The following SAMMSON variants were observed in gnomAD, a reference collection of about 807,000 sequenced individuals.
SAMMSON encodes survival associated mitochondrial melanoma specific oncogenic non-coding RNA, also known as long intergenic non-protein coding RNA 1212.
At chr3:70,386,676 A>G (rs1012511880) in intron 9 of SAMMSON, among the ~76,000 whole-genome samples, 6 of 151,964 alleles carry the variant, frequency 3.9e-5, no homozygotes, top group African/African-American at 1.4e-4. Context: ...AGCAATGGTT[A>G]TTAATTGAGT....
At chr3:70,025,951 G>A (rs905681292) in intron 3 of SAMMSON, among the ~76,000 whole-genome samples, 1 of 152,082 alleles carries the variant, frequency 6.6e-6, no homozygotes, top group African/African-American at 2.4e-5. Flanking sequence ...AGGAGGAGGA[G>A]GAAGAGGAGG....
chr3:70,182,091 G>C (rs1400067239), intron 4 of SAMMSON, among the ~76,000 whole-genome samples: 1 of 152,090 alleles, frequency 6.6e-6, no homozygotes, highest in Admixed American at 6.5e-5. Flanking sequence ...AGATGGGCTG[G>C]AGGTCCTCAT....
At chr3:70,360,823 GA>G (rs1702865562) in intron 9 of SAMMSON, among the ~76,000 whole-genome samples, 1 of 152,070 alleles carries the variant, frequency 6.6e-6, no homozygotes, top group African/African-American at 2.4e-5. Flanking sequence ...TTATATTTCA[GA>G]GTGAGAATAT....
At chr3:70,354,103 C>G (rs1246667318) in intron 7 of SAMMSON, 1 of 152,216 alleles carries the variant, frequency 6.6e-6, no homozygotes. Flanking sequence ...TGGTGGCTTG[C>G]TATGATGATT....
intron 7 of SAMMSON, among the ~76,000 whole-genome samples, chr3:70,320,011 G>A (rs17007071): frequency 0.11 from 16,719 of 151,910 alleles, 1,052 homozygotes; most frequent in South Asian, 0.16. Context: ...CATGGTGTCC[G>A]AGTACCAGTG....
intron 4 of SAMMSON, among the ~76,000 whole-genome samples, chr3:70,170,579 C>CTTTTTTTTTTTTTTT (rs538385626): frequency 2.2e-4 from 23 of 105,496 alleles, no homozygotes; most frequent in Non-Finnish European, 2.6e-4. Context: ...CTAGATTTTC[C>CTTTTTTTTTTTTTTT]TTTTTTTTTT....
At chr3:70,124,922 A>G in intron 4 of SAMMSON, 2 of 501,110 alleles carry the variant, frequency 4.0e-6, no homozygotes, top group African/African-American at 3.9e-5. Flanking sequence ...CAATACACTG[A>G]TTTAAAGGCA....
intron 3 of SAMMSON, among the ~76,000 whole-genome samples, chr3:70,055,218 G>A (rs2067162574): frequency 6.6e-6 from 1 of 152,054 alleles, no homozygotes; most frequent in South Asian, 2.1e-4. Flanking sequence ...AATTATCAAA[G>A]CTGGATGATG....
intron 7 of SAMMSON, among the ~76,000 whole-genome samples, chr3:70,352,329 G>C (rs1025903430): frequency 1.3e-5 from 2 of 152,000 alleles, no homozygotes; most frequent in Non-Finnish European, 2.9e-5. Flanking sequence ...TCTCATCAGA[G>C]AGACCATGGA....
intron 2 of SAMMSON, among the ~76,000 whole-genome samples, chr3:70,408,863 T>C (rs954376132): frequency 2.6e-5 from 4 of 152,162 alleles, no homozygotes; most frequent in African/African-American, 9.7e-5. Context: ...AAGACATACC[T>C]GAGACTAGGA....
At chr3:70,298,770 AAGT>A (rs750034310) in intron 7 of SAMMSON, among the ~76,000 whole-genome samples, 20 of 152,120 alleles carry the variant, frequency 1.3e-4, no homozygotes, top group Non-Finnish European at 2.6e-4. Flanking sequence ...AGCCATCTTC[AAGT>A]AGATTTCAAA....
chr3:70,433,024 C>A (rs1351788249), intron 2 of SAMMSON, among the ~76,000 whole-genome samples: 2 of 151,898 alleles, frequency 1.3e-5, no homozygotes, highest in South Asian at 2.1e-4. Flanking sequence ...GAATAATATA[C>A]CATTATAGCT....
intron 4 of SAMMSON, among the ~76,000 whole-genome samples, chr3:70,217,166 A>G (rs1701420021): frequency 2.0e-5 from 3 of 152,124 alleles, no homozygotes; most frequent in Admixed American, 6.6e-5. Flanking sequence ...GCTATATCCT[A>G]AAAGAGGACC....
rs1701332198 is a variant in SAMMSON, at chr3:70,423,806, A to G, written n.234-38754A>G. Among the ~76,000 whole-genome samples the G allele has an allele frequency of 2.6e-5, 4 of 152,188 alleles. No individual in the cohort carries two copies. The South Asian group carries it at 6.2e-4, about 24-fold the overall frequency. ...CTGGAAATGTTTATAAGTGTTCTTC[A>G]TAATACAGAAACTCTAAGACTGATT... On this transcript the variant is annotated intron_variant and non_coding_transcript_variant, in intron 2 of 3. Transcript: ENST00000641053.
At chr3:70,360,155 A>T (rs943753033) in intron 9 of SAMMSON, among the ~76,000 whole-genome samples, 1 of 152,128 alleles carries the variant, frequency 6.6e-6, no homozygotes, top group Non-Finnish European at 1.5e-5. Flanking sequence ...GGGAGGGGGA[A>T]GATAAAGAAA....
chr3:70,254,637 G>A (rs1458388222), intron 6 of SAMMSON, among the ~76,000 whole-genome samples: 3 of 151,994 alleles, frequency 2.0e-5, no homozygotes, highest in Non-Finnish European at 4.4e-5. Context: ...ATGAAATCAG[G>A]GACTACCTAG....
intron 3 of SAMMSON, among the ~76,000 whole-genome samples, chr3:70,028,512 T>A (rs1466767449): frequency 2.0e-5 from 3 of 152,146 alleles, no homozygotes; most frequent in Non-Finnish European, 4.4e-5. Flanking sequence ...AATTCCTGTC[T>A]ATGCCACAGA....
Position 70,119,884 on chromosome 3 carries a change from A to G in SAMMSON, n.507+48319A>G, listed in dbSNP as rs112306590. On this transcript the variant is annotated intron_variant and non_coding_transcript_variant, in intron 4 of 9. Coordinates refer to ENST00000642114, the Ensembl canonical transcript of SAMMSON. ...TTGTATTTGAATTGTTAAAATATCC[A>G]TTTTGGTTATTTTAAATGTAATAGA... Among the ~76,000 whole-genome samples, 1,457 of 152,308 alleles carry G rather than the reference A, an allele frequency of 9.6e-3. 16 individuals carry two copies. Among genetic ancestry groups the G allele is most frequent in the African/African-American group, 0.033 (1,368 of 41,572 alleles).
At chr3:70,311,920 T>C in intron 7 of SAMMSON, 1 of 397,916 alleles carries the variant, frequency 2.5e-6, no homozygotes, top group Non-Finnish European at 4.4e-6. Flanking sequence ...TTTTATCATT[T>C]TCTAAATGCT....
Sources: allele counts gnomAD v4.1 joint callset (sites outside exome capture counted in the v4.1 genomes callset), GRCh38; gene constraint gnomAD v4.1.1; transcripts MANE v1.5; gene names NCBI Gene and HGNC (gene_info 2026-07-23, HGNC 2026-07-21).